Variants in CUL1 observed in about 807,000 individuals in gnomAD.
The protein encoded by CUL1 is cullin-1.
CUL1 carries 24 observed loss-of-function variants against 118.0 expected under a neutral mutation model. The observed-to-expected ratio is 0.20, with a 90% confidence interval of 0.15 to 0.29. The LOEUF is 0.29. Among genes scored for constraint, CUL1 ranks in the 10% least tolerant of loss-of-function variants. The pLI, the probability that CUL1 is intolerant of heterozygous loss-of-function variation, is 1.00. For missense variants in CUL1, 361 were observed against 933.8 expected (o/e 0.39, Z 7.99); for synonymous variants, 332 against 340.4 (o/e 0.98, Z 0.27).
At chr7:148,779,525 G>T (rs776899894) in intron 9 of CUL1, among the ~76,000 whole-genome samples, 2 of 152,214 alleles carry the variant, frequency 1.3e-5, no homozygotes, top group Non-Finnish European at 2.9e-5. Context: ...CTCAGTGGGC[G>T]TACACACAGC....
At chr7:148,780,954 A>G (rs1336467274) in intron 9 of CUL1, among the ~76,000 whole-genome samples, 4 of 149,918 alleles carry the variant, frequency 2.7e-5, no homozygotes, top group Non-Finnish European at 5.9e-5. Flanking sequence ...TCTTTTCTCT[A>G]TTTGCTGACT....
At chr7:148,776,021 A>G (rs561858632) in intron 9 of CUL1, among the ~76,000 whole-genome samples, 8 of 152,166 alleles carry the variant, frequency 5.3e-5, no homozygotes, top group African/African-American at 1.9e-4. Flanking sequence ...TTCCACTTCC[A>G]TTTATTTTAT....
At chr7:148,782,581 TTA>T (rs1196972020) in intron 9 of CUL1, among the ~76,000 whole-genome samples, 22 of 152,244 alleles carry the variant, frequency 1.4e-4, no homozygotes, top group Non-Finnish European at 2.5e-4. Context: ...GAGACCATAT[TTA>T]TATCTTATTG....
At chr7:148,764,505 G>A (rs917097810) in intron 7 of CUL1, among the ~76,000 whole-genome samples, 1 of 152,202 alleles carries the variant, frequency 6.6e-6, no homozygotes, top group African/African-American at 2.4e-5. Flanking sequence ...AGACTAAGAG[G>A]TGGAGAGCCG....
intron 1 of CUL1, among the ~76,000 whole-genome samples, chr7:148,715,640 C>T (rs955393530): frequency 6.6e-6 from 1 of 152,132 alleles, no homozygotes; most frequent in Non-Finnish European, 1.5e-5. Flanking sequence ...CTATTAAGTT[C>T]TTTCTTCACA....
At chr7:148,704,156 G>GCCCC (rs111577198) in intron 1 of CUL1, among the ~76,000 whole-genome samples, 5 of 135,906 alleles carry the variant, frequency 3.7e-5, no homozygotes, top group South Asian at 2.8e-4. Context: ...AACAAAAGCG[G>GCCCC]CCCCCCCCCA....
chr7:148,742,235 C>A (rs1799164792), intron 2 of CUL1, among the ~76,000 whole-genome samples: 1 of 152,092 alleles, frequency 6.6e-6, no homozygotes, highest in Non-Finnish European at 1.5e-5. Context: ...ATACCCGAGA[C>A]TGGGTAATTT....
intron 2 of CUL1, among the ~76,000 whole-genome samples, chr7:148,734,473 G>T (rs560946910): frequency 2.0e-5 from 3 of 152,154 alleles, no homozygotes; most frequent in African/African-American, 7.2e-5. Flanking sequence ...CAAACTCCTC[G>T]ACTCAAGTTA....
chr7:148,771,146 A>G (rs1290419599), intron 9 of CUL1, among the ~76,000 whole-genome samples: 2 of 152,168 alleles, frequency 1.3e-5, no homozygotes, highest in South Asian at 4.1e-4. Flanking sequence ...CTAGAACACT[A>G]TATATGTTAC....
intron 9 of CUL1, chr7:148,783,501 T>C: frequency 1.6e-6 from 2 of 1,281,698 alleles, no homozygotes; most frequent in Non-Finnish European, 2.0e-6. Flanking sequence ...AATGCTGTTT[T>C]CATGATCTCT....
At chr7:148,761,710 G>A (rs1698157970) in intron 7 of CUL1, among the ~76,000 whole-genome samples, 1 of 152,214 alleles carries the variant, frequency 6.6e-6, no homozygotes, top group Admixed American at 6.5e-5. Context: ...ACAACTGAGT[G>A]TGGCCGGGTT....
chr7:148,764,144 CT>C (rs1799929728), intron 7 of CUL1, among the ~76,000 whole-genome samples: 2 of 152,168 alleles, frequency 1.3e-5, no homozygotes, highest in African/African-American at 4.8e-5. Flanking sequence ...ATTTGCTTGT[CT>C]TTTTTGGTTT....
chr7:148,781,079 A>ATTTTTTTTTTTTTTTTT (rs1197920664), intron 9 of CUL1, among the ~76,000 whole-genome samples: 2 of 93,732 alleles, frequency 2.1e-5, no homozygotes, highest in African/African-American at 4.6e-5. Flanking sequence ...TCAAGGCCAG[A>ATTTTTTTTTTTTTTTTT]TTTTTTTTTT....
Position 148,800,241 on chromosome 7 carries a change from G to A in CUL1, c.2251-261G>A, listed in dbSNP as rs149396038. 4.0e-3 allele frequency among the ~76,000 whole-genome samples: 610 copies of A among 152,312 alleles called. 2 individuals carry two copies. Among genetic ancestry groups the A allele is most frequent in the Non-Finnish European group, 7.3e-3 (495 of 68,022 alleles). ...AGGGAGACTGGCCCACGGGGCTCCC[G>A]AAGCACCTGACTCCAGTTCCTAGGG... On this transcript the variant is annotated intron_variant, in intron 21 of 21. Coordinates refer to ENST00000325222, the MANE Select transcript of CUL1 (RefSeq NM_003592.3). This position sits in a 1 kb window ranked among gnomAD's most constrained non-coding sequence, Gnocchi z 4.6.
chr7:148,791,251 C>T (rs928172950), intron 16 of CUL1, among the ~76,000 whole-genome samples: 1 of 152,130 alleles, frequency 6.6e-6, no homozygotes, highest in Non-Finnish European at 1.5e-5. Flanking sequence ...ATATTTTAGT[C>T]TCTGAGAAGT....
At chr7:148,780,611 C>T (rs929953767) in intron 9 of CUL1, among the ~76,000 whole-genome samples, 4 of 152,190 alleles carry the variant, frequency 2.6e-5, no homozygotes, top group African/African-American at 7.2e-5. Context: ...TAGCCCAGGG[C>T]AGGCCACACG....
At chr7:148,754,465 G>A (rs555334927) in intron 3 of CUL1, among the ~76,000 whole-genome samples, 25 of 152,092 alleles carry the variant, frequency 1.6e-4, no homozygotes, top group African/African-American at 5.5e-4. Flanking sequence ...GCTCACCACC[G>A]TGCCCAGCTC....
At chr7:148,770,732 A>G (rs1800182770) in intron 9 of CUL1, among the ~76,000 whole-genome samples, 1 of 152,218 alleles carries the variant, frequency 6.6e-6, no homozygotes, top group Non-Finnish European at 1.5e-5. Context: ...TGCCCGGGCC[A>G]TAGCCTGGCA....
chr7:148,734,377 G>A (rs1279216925), intron 2 of CUL1, among the ~76,000 whole-genome samples: 1 of 152,148 alleles, frequency 6.6e-6, no homozygotes, highest in East Asian at 1.9e-4. Flanking sequence ...CCAAGTAGCT[G>A]GGACCACAGG....
Sources: gnomAD v4.1 joint callset for allele counts (sites outside exome capture counted in the v4.1 genomes callset) on GRCh38, gnomAD v4.1.1 for gene constraint, Gnocchi (gnomAD v3.1) non-coding constraint, MANE v1.5 for transcripts, NCBI Gene and HGNC (gene_info 2026-07-23, HGNC 2026-07-21) for gene names.